The following OSBPL1A variants were observed in gnomAD, a reference collection of about 807,000 sequenced individuals.
OSBPL1A encodes the protein oxysterol binding protein like 1A, also known as oxysterol-binding protein-related protein 1.
OSBPL1A carries 80 observed loss-of-function variants against 137.1 expected under a neutral mutation model. The observed-to-expected ratio is 0.58, with a 90% CI of 0.49 to 0.70. The LOEUF is 0.70. Among genes scored for constraint, OSBPL1A ranks in the 30% least tolerant of loss-of-function variants. The pLI is 0.00. For synonymous variants in OSBPL1A, 365 were observed against 389.7 expected (o/e 0.94, Z 0.75); for missense variants, 970 against 1,129.4 (o/e 0.86, Z 2.02).
chr18:24,314,128 T>A (rs769037663), intron 12 of OSBPL1A, 121 bp downstream of exon 12: 216 of 583,286 alleles, frequency 3.7e-4, no homozygotes, highest in Non-Finnish European at 5.8e-4. Context: ...AATAAAAATT[T>A]AAAAAAATTA....
rs141644676 is a variant in OSBPL1A, at chr18:24,356,120, G to A, written c.282+10772C>T. 9.8e-4 allele frequency among the ~76,000 whole-genome samples: 149 copies of A among 152,228 alleles called. 1 individual carries two copies. The East Asian group carries it at 0.019, about 19-fold the overall frequency. ...GAACCTGGGAGGCAGAGGTTGCAGT[G>A]AGCTGAGATCGCGCCACTGCATTCC... On this transcript the variant is annotated intron_variant, in intron 4 of 27. Coordinates refer to ENST00000319481, the MANE Select transcript of OSBPL1A (RefSeq NM_080597.4).
chr18:24,307,221 T>G (rs2090521026), intron 13 of OSBPL1A, among the ~76,000 whole-genome samples: 1 of 152,140 alleles, frequency 6.6e-6, no homozygotes, highest in Non-Finnish European at 1.5e-5. Context: ...TGGTCAATGC[T>G]GCAGTGAGCT....
chr18:24,374,507 C>T (rs1478823865), intron 2 of OSBPL1A, among the ~76,000 whole-genome samples: 2 of 152,000 alleles, frequency 1.3e-5, no homozygotes, highest in African/African-American at 4.8e-5. Context: ...AGGAAAAGAC[C>T]CCCCCTAGAT....
intron 13 of OSBPL1A, among the ~76,000 whole-genome samples, chr18:24,309,413 G>T (rs1383766730): frequency 6.6e-6 from 1 of 151,798 alleles, no homozygotes; most frequent in East Asian, 1.9e-4. Flanking sequence ...CAAACCCTTG[G>T]GCACAAGTGA....
chr18:24,205,452 T>C (rs1428644259), intron 17 of OSBPL1A, among the ~76,000 whole-genome samples: 1 of 152,188 alleles, frequency 6.6e-6, no homozygotes, highest in Non-Finnish European at 1.5e-5. Context: ...CTGGCAAGGG[T>C]AGGTATTGTT....
chr18:24,366,725 C>T, intron 4 of OSBPL1A, 167 bp downstream of exon 4: 1 of 532,094 alleles, frequency 1.9e-6, no homozygotes, highest in Non-Finnish European at 3.3e-6. Flanking sequence ...CTGGACCTCA[C>T]TGTCAGACTC....
chr18:24,204,736 A>T (rs1298367620), intron 17 of OSBPL1A, among the ~76,000 whole-genome samples: 1 of 152,090 alleles, frequency 6.6e-6, no homozygotes, highest in East Asian at 1.9e-4. Flanking sequence ...GCCTTTCACA[A>T]ACAGGGTCTG....
chr18:24,221,936 A>C (rs2145982961), intron 17 of OSBPL1A, among the ~76,000 whole-genome samples: 1 of 152,280 alleles, frequency 6.6e-6, no homozygotes, highest in South Asian at 2.1e-4. Flanking sequence ...GATTTTGTAT[A>C]TGGCAGCCTA....
At chr18:24,222,537 A>G (rs1290562001) in intron 17 of OSBPL1A, among the ~76,000 whole-genome samples, 1 of 152,176 alleles carries the variant, frequency 6.6e-6, no homozygotes, top group African/African-American at 2.4e-5. Context: ...TAAGCTCTGT[A>G]AATATAAACC....
intron 18 of OSBPL1A, among the ~76,000 whole-genome samples, chr18:24,184,628 T>C (rs895293002): frequency 2.5e-4 from 38 of 152,198 alleles, no homozygotes; most frequent in African/African-American, 8.4e-4. Flanking sequence ...CCTACTGTTA[T>C]AGTATGGGTG....
chr18:24,352,060 C>A (rs949705132), intron 4 of OSBPL1A, among the ~76,000 whole-genome samples: 1 of 152,156 alleles, frequency 6.6e-6, no homozygotes, highest in Non-Finnish European at 1.5e-5. Context: ...GTAATCCTAG[C>A]ACTTTGGGAG....
intron 5 of OSBPL1A, among the ~76,000 whole-genome samples, chr18:24,340,534 G>A (rs555679849): frequency 9.9e-5 from 15 of 152,194 alleles, no homozygotes; most frequent in African/African-American, 3.4e-4. Flanking sequence ...GCCAGGCACG[G>A]TGGCTCAGGA....
At chr18:24,256,837 T>C (rs1007485487) in intron 15 of OSBPL1A, among the ~76,000 whole-genome samples, 1 of 151,444 alleles carries the variant, frequency 6.6e-6, no homozygotes, top group Non-Finnish European at 1.5e-5. Context: ...AAAAAGAAAC[T>C]TAAAAAGTAA....
chr18:24,356,807 C>T (rs1000626725), intron 4 of OSBPL1A, among the ~76,000 whole-genome samples: 1 of 152,154 alleles, frequency 6.6e-6, no homozygotes, highest in Non-Finnish European at 1.5e-5. Flanking sequence ...TATCATATTT[C>T]CATTGAATTC....
chr18:24,253,189 G>GA (rs1262936518), intron 15 of OSBPL1A, among the ~76,000 whole-genome samples: 10 of 129,514 alleles, frequency 7.7e-5, no homozygotes, highest in Non-Finnish European at 1.5e-4. Context: ...CTGAATGGAT[G>GA]AAAAAAACAA....
intron 15 of OSBPL1A, among the ~76,000 whole-genome samples, chr18:24,264,815 T>C (rs2089532997): frequency 6.6e-6 from 1 of 152,218 alleles, no homozygotes; most frequent in Admixed American, 6.5e-5. Context: ...GGCTGTTCTT[T>C]GGCATTAAAT....
At chr18:24,217,618 C>A (rs2087750328) in intron 17 of OSBPL1A, among the ~76,000 whole-genome samples, 1 of 152,168 alleles carries the variant, frequency 6.6e-6, no homozygotes, top group African/African-American at 2.4e-5. Flanking sequence ...AATTGAAAGA[C>A]TACTGTTTTG....
At chr18:24,255,715 T>TC (rs1330467744) in intron 15 of OSBPL1A, among the ~76,000 whole-genome samples, 1 of 152,056 alleles carries the variant, frequency 6.6e-6, no homozygotes, top group African/African-American at 2.4e-5. Flanking sequence ...TGTCAGAACT[T>TC]CCTGAGGCAC....
chr18:24,271,317 T>C lies in OSBPL1A; in HGVS notation c.1281+9525A>G, dbSNP rs775260347. ...TTACTCCTCCCACTCCAGCCCTTCT[T>C]GACCTAATACCAATATTCAACTGAG... On this transcript the variant is annotated intron_variant, in intron 15 of 27. Coordinates refer to ENST00000319481, the MANE Select transcript of OSBPL1A (RefSeq NM_080597.4). The surrounding 1 kb of genome is among the most constrained non-coding windows in gnomAD (Gnocchi z 4.0). Among the ~76,000 whole-genome samples, 22 of 152,202 alleles carry C rather than the reference T, an allele frequency of 1.4e-4. No individual in the cohort carries two copies. Among genetic ancestry groups the C allele is most frequent in the African/African-American group, 1.9e-4 (8 of 41,456 alleles).
Sources: allele counts gnomAD v4.1 joint callset (sites outside exome capture counted in the v4.1 genomes callset), GRCh38; gene constraint gnomAD v4.1.1; non-coding constraint Gnocchi (gnomAD v3.1); transcripts MANE v1.5; gene names NCBI Gene and HGNC (gene_info 2026-07-23, HGNC 2026-07-21).